The following AFG2A variants were observed in gnomAD, a reference collection of about 807,000 sequenced individuals.
AFG2A encodes ATPase family gene 2 protein homolog A.
At chr4:123,086,171 A>G in the AFG2A span, among the ~76,000 whole-genome samples, 1 of 152,112 alleles carries the variant, frequency 6.6e-6, no homozygotes, top group Non-Finnish European at 1.5e-5. Flanking sequence ...TTTCTGACCT[A>G]TATTTTCTTC....
At chr4:123,108,853 T>G in the AFG2A span, among the ~76,000 whole-genome samples, 1 of 152,206 alleles carries the variant, frequency 6.6e-6, no homozygotes. Flanking sequence ...TTCTATAGTT[T>G]GGGGCTTAAC....
the AFG2A span, among the ~76,000 whole-genome samples, chr4:123,115,695 C>T: frequency 1.3e-5 from 2 of 152,088 alleles, no homozygotes; most frequent in Non-Finnish European, 2.9e-5. Context: ...TGAGGATCCA[C>T]AGCCTGCAAC....
At chr4:122,968,323 G>C in the AFG2A span, among the ~76,000 whole-genome samples, 2 of 152,188 alleles carry the variant, frequency 1.3e-5, no homozygotes, top group East Asian at 3.9e-4. Context: ...ATACATAAGA[G>C]AGCATAAGCT....
the AFG2A span, among the ~76,000 whole-genome samples, chr4:123,225,081 G>T: frequency 6.6e-6 from 1 of 150,554 alleles, no homozygotes; most frequent in African/African-American, 2.4e-5. Flanking sequence ...TTGTAAATTT[G>T]TTTGAGTTCA....
the AFG2A span, among the ~76,000 whole-genome samples, chr4:123,038,693 G>A: frequency 6.6e-6 from 1 of 152,016 alleles, no homozygotes; most frequent in African/African-American, 2.4e-5. Context: ...ATTTTCTAGG[G>A]ACCCTGCAGT....
At chr4:123,096,240 C>T in the AFG2A span, among the ~76,000 whole-genome samples, 2 of 146,110 alleles carry the variant, frequency 1.4e-5, no homozygotes, top group African/African-American at 2.8e-5. Flanking sequence ...GTTCATTTTG[C>T]GTAAGAGTGA....
chr4:123,241,207 A>G, the AFG2A span, among the ~76,000 whole-genome samples: 1 of 152,226 alleles, frequency 6.6e-6, no homozygotes, highest in African/African-American at 2.4e-5. Flanking sequence ...ATAGGTACAA[A>G]GAGGAGCTGT....
At chr4:123,011,858 C>T in the AFG2A span, among the ~76,000 whole-genome samples, 3 of 151,296 alleles carry the variant, frequency 2.0e-5, no homozygotes, top group Non-Finnish European at 4.4e-5. Flanking sequence ...GTGCTTGCCC[C>T]CCTGGAAAGT....
chr4:123,311,314 A>G, the AFG2A span, among the ~76,000 whole-genome samples: 1 of 152,052 alleles, frequency 6.6e-6, no homozygotes, highest in African/African-American at 2.4e-5. Flanking sequence ...CAAAACAACA[A>G]CTTATAGCTC....
chr4:123,117,838 T>C, the AFG2A span, among the ~76,000 whole-genome samples: 14 of 149,262 alleles, frequency 9.4e-5, no homozygotes, highest in Non-Finnish European at 1.9e-4. Flanking sequence ...CCACCAAAAG[T>C]CCTTGGGGTT....
the AFG2A span, among the ~76,000 whole-genome samples, chr4:123,218,700 C>T: frequency 2.0e-5 from 3 of 151,854 alleles, no homozygotes; most frequent in African/African-American, 4.9e-5. Flanking sequence ...TACAGTGGGC[C>T]TACCTTCTAT....
chr4:123,038,714 T>C, the AFG2A span, among the ~76,000 whole-genome samples: 2 of 152,148 alleles, frequency 1.3e-5, no homozygotes. Flanking sequence ...CTTTTCATTA[T>C]GCCTTATTAG....
At chr4:123,030,133 G>A in the AFG2A span, among the ~76,000 whole-genome samples, 7 of 152,182 alleles carry the variant, frequency 4.6e-5, no homozygotes, top group East Asian at 9.6e-4. Context: ...TATATTCATA[G>A]TATTAGAATT....
At chr4:123,002,772 A>C in the AFG2A span, among the ~76,000 whole-genome samples, 1 of 151,966 alleles carries the variant, frequency 6.6e-6, no homozygotes, top group Non-Finnish European at 1.5e-5. Flanking sequence ...TGAATCTGAC[A>C]ATTATGTGTC....
At chr4:122,942,660 T>A in the AFG2A span, among the ~76,000 whole-genome samples, 164 of 152,334 alleles carry the variant, frequency 1.1e-3, no homozygotes, top group African/African-American at 3.7e-3. Flanking sequence ...TCTTAGTTAT[T>A]TCTTGCCTTC....
the AFG2A span, among the ~76,000 whole-genome samples, chr4:122,970,568 T>G: frequency 2.0e-5 from 3 of 151,572 alleles, no homozygotes; most frequent in African/African-American, 7.3e-5. Context: ...GTATTTTTAC[T>G]GTACCTTTTC....
At chr4:123,218,656 CAT>C in the AFG2A span, among the ~76,000 whole-genome samples, 1 of 148,480 alleles carries the variant, frequency 6.7e-6, no homozygotes, top group East Asian at 1.9e-4. Flanking sequence ...TACATACATA[CAT>C]ACATACATAC....
At chr4:122,963,819 A>G in the AFG2A span, among the ~76,000 whole-genome samples, 1 of 152,192 alleles carries the variant, frequency 6.6e-6, no homozygotes, top group Non-Finnish European at 1.5e-5. Context: ...ATGTATTATT[A>G]TTAATATTTA....
At chr4:123,064,811 A>G in the AFG2A span, among the ~76,000 whole-genome samples, 17 of 152,306 alleles carry the variant, frequency 1.1e-4, no homozygotes, top group Admixed American at 3.3e-4. Context: ...GGAACTAGGA[A>G]CATATTCCTG....
Sources: gnomAD v4.1 joint callset for allele counts (sites outside exome capture counted in the v4.1 genomes callset) on GRCh38, gnomAD v4.1.1 for gene constraint, MANE v1.5 for transcripts, NCBI Gene and HGNC (gene_info 2026-07-23, HGNC 2026-07-21) for gene names.